The following ABLIM1 variants were observed in gnomAD, a reference collection of about 807,000 sequenced individuals.
ABLIM1 encodes the protein actin-binding LIM protein 1.
Under a neutral mutation model 107.0 loss-of-function variants are expected in ABLIM1, and 40 were observed. The observed-to-expected ratio is 0.37, with a 90% CI of 0.29 to 0.49. The LOEUF (loss-of-function observed/expected upper bound fraction) is 0.49, where lower values mean the gene tolerates loss of function less well. Ranked by LOEUF, ABLIM1 falls within the 20% of genes least tolerant of loss-of-function variation. The pLI is 0.97. For missense variants in ABLIM1, 857 were observed against 1,008.5 expected (o/e 0.85, Z 2.04); for synonymous variants, 357 against 357.3 (o/e 1.00, Z 0.01).
chr10:114,662,869 G>A (rs540596239), upstream of ABLIM1, among the ~76,000 whole-genome samples: 1 of 152,212 alleles, frequency 6.6e-6, no homozygotes, highest in Non-Finnish European at 1.5e-5. Context: ...CATAGGCAAC[G>A]TTCCCAAAGA....
rs3061732 is a variant in ABLIM1 at position 114,637,035 on chromosome 10, TAAAAAAAAAA to T, written c.244+20912_244+20921del. ...GCAACAGAGTGAGACGCTGTCTCTT[TAAAAAAAAAA>T]AAAAAAAAAAAAAGAGTGTGGAGGT... is the stretch of plus-strand genomic sequence containing the variant. On this transcript the variant is annotated intron_variant, in intron 1 of 22. Coordinates refer to ENST00000533213, the MANE Select transcript of ABLIM1 (RefSeq NM_002313.7). 2.9e-5 allele frequency among the ~76,000 whole-genome samples: 3 copies of T among 104,024 alleles called. No individual in the cohort carries two copies. The East Asian group carries it at 9.0e-4, about 31-fold the overall frequency. The allele number at this position is 104,024 out of a possible 152,430, so 68.2% of individuals were successfully genotyped here.
At chr10:114,617,701 G>C (rs1015597006) in intron 1 of ABLIM1, among the ~76,000 whole-genome samples, 1 of 152,164 alleles carries the variant, frequency 6.6e-6, no homozygotes, top group Non-Finnish European at 1.5e-5. Flanking sequence ...CATTTATTGA[G>C]CACATGGCAC....
chr10:114,446,772 G>T (rs538912536), intron 15 of ABLIM1, among the ~76,000 whole-genome samples: 1 of 152,306 alleles, frequency 6.6e-6, no homozygotes, highest in South Asian at 2.1e-4. Flanking sequence ...GAAGGGCATG[G>T]ATTGGCATAG....
At chr10:114,698,360 C>G (rs2081238105) in intron 1 of ABLIM1, among the ~76,000 whole-genome samples, 1 of 142,114 alleles carries the variant, frequency 7.0e-6, no homozygotes, top group African/African-American at 2.6e-5. Context: ...AACAAAATGT[C>G]AAGAAACCCT....
At chr10:114,661,348 C>A (rs2079789271), upstream of ABLIM1, among the ~76,000 whole-genome samples, 1 of 152,172 alleles carries the variant, frequency 6.6e-6, no homozygotes, top group Non-Finnish European at 1.5e-5. Context: ...ACTGCAGACA[C>A]CTGTGAACTA....
At chr10:114,587,875 G>A (rs903118984) in intron 2 of ABLIM1, among the ~76,000 whole-genome samples, 1 of 152,084 alleles carries the variant, frequency 6.6e-6, no homozygotes, top group Non-Finnish European at 1.5e-5. Flanking sequence ...CCACTCACCT[G>A]CACCTGTCCT....
chr10:114,696,446 C>T (rs377395235), intron 1 of ABLIM1, among the ~76,000 whole-genome samples: 58 of 152,218 alleles, frequency 3.8e-4, no homozygotes, highest in African/African-American at 1.3e-3. Flanking sequence ...ATTTCCTCTT[C>T]TTATAAGGAC....
exon 1 of ABLIM1, chr10:114,684,567 A>T: frequency 7.4e-7 from 1 of 1,353,706 alleles, no homozygotes; most frequent in Non-Finnish European, 9.5e-7. Flanking sequence ...CTCCTTCCTC[A>T]TGTACAGATT....
In ABLIM1 at chr10:114,657,972, T is replaced by C; in HGVS notation, c.229A>G (p.Ser77Gly). ...DYCPRGRVCN[S>G]VDPFVAHPQD... ...TTTTACTTACCAAAAGGATCAACGC[T>C]GTTACATACACGCCCACGTGGGCAG... Residue 77 changes from serine (S) to glycine (G), a missense_variant, in exon 1 of 23, where the codon AGC becomes GGC. Around this residue, in one of 5 missense-constraint regions of ABLIM1, gnomAD observed 176 missense variants for 173.5 expected, o/e 1.01. Coordinates refer to ENST00000533213, the MANE Select transcript of ABLIM1 (RefSeq NM_002313.7). The C allele has an allele frequency of 6.2e-7, 1 of 1,613,318 alleles. No individual in the cohort carries two copies.
intron 4 of ABLIM1, among the ~76,000 whole-genome samples, chr10:114,557,150 TG>T (rs1012682387): frequency 1.2e-4 from 19 of 152,162 alleles, no homozygotes; most frequent in Non-Finnish European, 5.9e-5. Context: ...TTACGAATAA[TG>T]GCTCGATGAT....
chr10:114,491,012 G>GTGTGTGTGTGTGTGTGTATATATATA, intron 7 of ABLIM1, among the ~76,000 whole-genome samples: 12 of 92,386 alleles, frequency 1.3e-4, no homozygotes, highest in African/African-American at 5.1e-4. Context: ...GTGTGTGTGT[G>GTGTGTGTGTGTGTGTGTATATATATA]TATATATATA....
intron 4 of ABLIM1, among the ~76,000 whole-genome samples, chr10:114,564,689 G>A (rs374678999): frequency 3.7e-4 from 56 of 152,258 alleles, no homozygotes; most frequent in East Asian, 3.5e-3. Context: ...AGACGAGGGC[G>A]CTGAGTTTCT....
intron 1 of ABLIM1, chr10:114,631,888 A>G: frequency 7.7e-7 from 1 of 1,304,012 alleles, no homozygotes; most frequent in Non-Finnish European, 1.0e-6. Context: ...ACAGTGATCG[A>G]TATTTATAAT....
At chr10:114,532,449 G>T (rs2065554523) in intron 6 of ABLIM1, among the ~76,000 whole-genome samples, 1 of 152,228 alleles carries the variant, frequency 6.6e-6, no homozygotes, top group Non-Finnish European at 1.5e-5. Context: ...AAGCCACGAG[G>T]TCCAGGAAGC....
intron 4 of ABLIM1, among the ~76,000 whole-genome samples, chr10:114,569,857 A>G (rs2071391571): frequency 6.6e-6 from 1 of 152,194 alleles, no homozygotes. Context: ...AAGGTCACAT[A>G]AATTCACACG....
At chr10:114,700,053 C>A (rs1035617852) in intron 1 of ABLIM1, among the ~76,000 whole-genome samples, 1 of 152,138 alleles carries the variant, frequency 6.6e-6, no homozygotes, top group Admixed American at 6.5e-5. Context: ...CCCACCTCAG[C>A]CTCCCAAGTT....
At chr10:114,733,841 C>T (rs1469734513) in intron 1 of ABLIM1, among the ~76,000 whole-genome samples, 1 of 151,906 alleles carries the variant, frequency 6.6e-6, no homozygotes, top group African/African-American at 2.4e-5. Flanking sequence ...GAGAACCTTG[C>T]AACTTTATTT....
chr10:114,644,196 G>C (rs60870849), intron 1 of ABLIM1, among the ~76,000 whole-genome samples: 13,352 of 141,420 alleles, frequency 0.094, 1,446 homozygotes, highest in African/African-American at 0.27. Flanking sequence ...CAGGAGAATG[G>C]CATGAACCCG....
intron 6 of ABLIM1, among the ~76,000 whole-genome samples, chr10:114,544,723 A>G (rs994567340): frequency 6.6e-6 from 1 of 152,204 alleles, no homozygotes; most frequent in Non-Finnish European, 1.5e-5. Context: ...TCTAACTTCT[A>G]AAAATGAAAA....
Sources: allele counts gnomAD v4.1 joint callset (sites outside exome capture counted in the v4.1 genomes callset), GRCh38; gene constraint gnomAD v4.1.1; regional missense constraint gnomAD v4.1.1; transcripts MANE v1.5; gene names NCBI Gene and HGNC (gene_info 2026-07-23, HGNC 2026-07-21).